MMP16: variants seen among roughly 807,000 people sequenced by gnomAD.
MMP16 encodes the protein matrix metalloproteinase-16.
Under a neutral mutation model 67.8 loss-of-function variants are expected in MMP16, and 12 were observed. The ratio of observed to expected loss-of-function variants is 0.18; its 90% CI spans 0.11 to 0.29. The LOEUF (loss-of-function observed/expected upper bound fraction) is 0.29, where lower values mean the gene tolerates loss of function less well. MMP16 is among the 10% of genes least tolerant of loss of function. The probability of loss-of-function intolerance (pLI) is 1.00; values close to 1 mark genes in which losing one functional copy is unlikely to be tolerated. For synonymous variants in MMP16, 249 were observed against 255.9 expected (o/e 0.97, Z 0.26); for missense variants, 475 against 765.7 (o/e 0.62, Z 4.48).
chr8:88,065,100 A>C (rs1808447172), intron 7 of MMP16, among the ~76,000 whole-genome samples: 1 of 152,036 alleles, frequency 6.6e-6, no homozygotes, highest in South Asian at 2.1e-4. Flanking sequence ...TTTGATGTGA[A>C]GCTTGGCATC....
At chr8:88,294,654 AAC>A (rs1162688591) in intron 1 of MMP16, among the ~76,000 whole-genome samples, 1 of 152,152 alleles carries the variant, frequency 6.6e-6, no homozygotes, top group Non-Finnish European at 1.5e-5. Flanking sequence ...GACATATATA[AAC>A]ACATATATAA....
At chr8:88,229,779 CAA>C (rs1809829777) in intron 1 of MMP16, among the ~76,000 whole-genome samples, 1 of 151,568 alleles carries the variant, frequency 6.6e-6, no homozygotes, top group Non-Finnish European at 1.5e-5. Context: ...ATGTGAATAA[CAA>C]GAGAGATGAA....
At chr8:88,097,828 T>C (rs555513143) in intron 6 of MMP16, among the ~76,000 whole-genome samples, 12 of 151,890 alleles carry the variant, frequency 7.9e-5, no homozygotes, top group Non-Finnish European at 1.6e-4. Context: ...TTTCAAAGAA[T>C]AAATTTTACT....
intron 1 of MMP16, among the ~76,000 whole-genome samples, chr8:88,235,802 T>C (rs545116935): frequency 2.0e-5 from 3 of 152,274 alleles, no homozygotes; most frequent in African/African-American, 7.2e-5. Context: ...CATTGTTATG[T>C]AACAATGGAC....
chr8:88,308,026 C>A (rs1331948480), intron 1 of MMP16, among the ~76,000 whole-genome samples: 1 of 151,812 alleles, frequency 6.6e-6, no homozygotes, highest in Admixed American at 6.6e-5. Context: ...AATAGTTTTC[C>A]CAGAAATGTT....
At chr8:88,197,684 A>G (rs762735245) in intron 1 of MMP16, among the ~76,000 whole-genome samples, 1 of 152,150 alleles carries the variant, frequency 6.6e-6, no homozygotes, top group Non-Finnish European at 1.5e-5. Flanking sequence ...CTCTATTGAG[A>G]TGTTTATGTT....
chr8:88,194,596 G>A (rs762333919), intron 2 of MMP16, among the ~76,000 whole-genome samples: 1 of 151,904 alleles, frequency 6.6e-6, no homozygotes, highest in Non-Finnish European at 1.5e-5. Context: ...GAAAAAAATA[G>A]GCAGGAAGCA....
chr8:88,154,858 A>G (rs1170075336), intron 4 of MMP16, among the ~76,000 whole-genome samples: 2 of 151,514 alleles, frequency 1.3e-5, no homozygotes, highest in African/African-American at 4.9e-5. Context: ...CCTAAAACTT[A>G]AAGTATAATA....
chr8:88,071,130 T>C (rs1293982181), intron 7 of MMP16, among the ~76,000 whole-genome samples: 3 of 152,102 alleles, frequency 2.0e-5, no homozygotes, highest in African/African-American at 7.2e-5. Context: ...TCAAAAAATA[T>C]CTAAATTACA....
At chr8:88,146,289 C>T (rs1234385846) in intron 4 of MMP16, among the ~76,000 whole-genome samples, 3 of 151,816 alleles carry the variant, frequency 2.0e-5, no homozygotes, top group East Asian at 1.9e-4. Context: ...AATTATAAAA[C>T]ATAATAATAA....
rs185331847 is a variant in MMP16, at chr8:88,175,034, G to A, written c.405-7061C>T. ...CTCCCAAAGTGCTAGGATTACAGGT[G>A]TGAGCCACTGTGCCTGGCCTTGACT... On this transcript the variant is annotated intron_variant, in intron 3 of 9. Transcript: ENST00000286614. 3.1e-4 allele frequency among the ~76,000 whole-genome samples: 47 copies of A among 152,262 alleles called. 1 individual carries two copies. The highest frequency in any genetic ancestry group is 2.9e-3 in the Admixed American group (44 of 15,280).
At chr8:88,313,727 C>T (rs558965581) in intron 1 of MMP16, among the ~76,000 whole-genome samples, 1 of 152,150 alleles carries the variant, frequency 6.6e-6, no homozygotes, top group Admixed American at 6.6e-5. Context: ...CAAGACTGGG[C>T]AATTTACAAA....
intron 1 of MMP16, among the ~76,000 whole-genome samples, chr8:88,300,656 G>GA (rs1173403137): frequency 3.9e-5 from 6 of 152,200 alleles, no homozygotes; most frequent in African/African-American, 1.4e-4. Flanking sequence ...TGTACGTACA[G>GA]AAAAAAATAT....
At chr8:88,272,162 T>C (rs957287859) in intron 1 of MMP16, among the ~76,000 whole-genome samples, 1 of 152,196 alleles carries the variant, frequency 6.6e-6, no homozygotes, top group Non-Finnish European at 1.5e-5. Flanking sequence ...GTTGATGTTG[T>C]ATTATTAGCA....
chr8:88,291,485 C>T (rs1810925049), intron 1 of MMP16, among the ~76,000 whole-genome samples: 1 of 152,092 alleles, frequency 6.6e-6, no homozygotes, highest in Admixed American at 6.6e-5. Flanking sequence ...CTTCCTATTC[C>T]TTGGACAGAT....
At chr8:88,170,235 G>A (rs1808777757) in intron 3 of MMP16, among the ~76,000 whole-genome samples, 1 of 152,284 alleles carries the variant, frequency 6.6e-6, no homozygotes, top group Non-Finnish European at 1.5e-5. Flanking sequence ...CCTGCTCAGG[G>A]AGAAGGCTAT....
intron 1 of MMP16, among the ~76,000 whole-genome samples, chr8:88,286,173 C>T (rs570116684): frequency 6.6e-6 from 1 of 152,308 alleles, no homozygotes; most frequent in African/African-American, 2.4e-5. Context: ...CAGTGCACTA[C>T]ATCGTCTATT....
chr8:88,150,750 G>A (rs1269736607), intron 4 of MMP16, among the ~76,000 whole-genome samples: 1 of 150,344 alleles, frequency 6.7e-6, no homozygotes, highest in Non-Finnish European at 1.5e-5. Flanking sequence ...ACCAGCCGCT[G>A]CAAAATCATG....
intron 8 of MMP16, among the ~76,000 whole-genome samples, chr8:88,047,304 C>T (rs538623479): frequency 3.3e-5 from 5 of 152,110 alleles, no homozygotes; most frequent in Admixed American, 6.6e-5. Context: ...AGAGATACAA[C>T]GTTGGACAAC....
Sources: allele counts gnomAD v4.1 joint callset (sites outside exome capture counted in the v4.1 genomes callset), GRCh38; gene constraint gnomAD v4.1.1; transcripts MANE v1.5; gene names NCBI Gene and HGNC (gene_info 2026-07-23, HGNC 2026-07-21).